POMT2: variants seen among roughly 807,000 people sequenced by gnomAD.
POMT2 encodes the protein protein O-mannosyltransferase 2, also known as protein O-mannosyl-transferase 2.
POMT2 carries 75 observed loss-of-function variants against 100.0 expected under a neutral mutation model. That is an observed-to-expected ratio of 0.75 (90% confidence interval 0.62 to 0.91). The LOEUF is 0.91. Among genes scored for constraint, POMT2 ranks in the 40% least tolerant of loss-of-function variants. POMT2 has a pLI of 0.00. For synonymous variants in POMT2, 378 were observed against 374.1 expected (o/e 1.01, Z -0.12); for missense variants, 940 against 955.1 (o/e 0.98, Z 0.21).
chr14:77,301,200 G>A lies in POMT2; in HGVS notation c.706C>T (p.Leu236Phe), dbSNP rs764392186. 1.1e-5 allele frequency: 18 copies of A among 1,614,244 alleles called. No individual in the cohort carries two copies. Among genetic ancestry groups the A allele is most frequent in the Non-Finnish European group, 1.5e-5 (18 of 1,180,046 alleles). ...WFWLSLTGVS[L>F]AGALGVKFVG... ...AACTTGACCCCTAAAGCACCAGCAA[G>A]ACTAACGCCAGTCAGGCTGAGCCAG... Residue 236 changes from leucine (L) to phenylalanine (F), a missense_variant, in exon 6 of 21, where the codon CTT becomes TTT. Coordinates refer to ENST00000261534, the MANE Select transcript of POMT2 (RefSeq NM_013382.7).
chr14:77,286,880 C>G, intron 11 of POMT2, 58 bp from the exon 12 acceptor site: 1 of 1,612,490 alleles, frequency 6.2e-7, no homozygotes, highest in Non-Finnish European at 8.5e-7. Context: ...TGCAACATTT[C>G]TTCTTTTACC....
At chr14:77,294,023 G>T (rs549905594) in intron 9 of POMT2, among the ~76,000 whole-genome samples, 1 of 152,248 alleles carries the variant, frequency 6.6e-6, no homozygotes, top group African/African-American at 2.4e-5. Flanking sequence ...CATAATGCAT[G>T]GGCCTCATCC....
At chr14:77,298,883 T>C (rs1890923858) in intron 7 of POMT2, 112 bp from the exon 8 acceptor site, 1 of 1,045,346 alleles carries the variant, frequency 9.6e-7, no homozygotes, top group African/African-American at 1.6e-5. Flanking sequence ...TAGAATCAGA[T>C]CATGGGACAG....
In POMT2 at chr14:77,283,800, G is replaced by C; in HGVS notation, c.1650C>G (p.Ile550Met). ...EILLESHMVM[I>M]RGNSGLKPKD... ...GAAATGAGAAGGGGACACATACCCG[G>C]ATCATGACCATGTGGGATTCCAGCA... Residue 550 changes from isoleucine (I) to methionine (M), a missense_variant, in exon 15 of 21, where the codon ATC (isoleucine) becomes ATG (methionine). Coordinates refer to ENST00000261534, the MANE Select transcript of POMT2 (RefSeq NM_013382.7). The C allele has an allele frequency of 6.2e-7, 1 of 1,606,854 alleles. No individual in the cohort carries two copies. The highest frequency in any genetic ancestry group is 8.5e-7 in the Non-Finnish European group (1 of 1,173,366).
At chr14:77,305,584 G>A (rs1289829832) in intron 3 of POMT2, among the ~76,000 whole-genome samples, 3 of 152,192 alleles carry the variant, frequency 2.0e-5, no homozygotes, top group Non-Finnish European at 2.9e-5. Context: ...ATCATCTAAC[G>A]ATGAGGCCAA....
At chr14:77,304,455 A>G (rs1297467309) in intron 4 of POMT2, among the ~76,000 whole-genome samples, 1 of 152,210 alleles carries the variant, frequency 6.6e-6, no homozygotes, top group Non-Finnish European at 1.5e-5. Context: ...AGGTAAATCT[A>G]TTCCTTGGGA....
Position 77,275,781 on chromosome 14 carries a change from A to T in POMT2, c.*1595T>A, listed in dbSNP as rs1889920519. 6.6e-6 allele frequency: 1 copy of T among 152,234 alleles called. No individual in the cohort carries two copies. The highest frequency in any genetic ancestry group is 1.5e-5 in the Non-Finnish European group (1 of 68,034). 9.4% of individuals were successfully genotyped at this position (152,234 alleles called of 1,614,324 possible). A position where few individuals can be genotyped will look rare whatever the true frequency, so the allele number is the denominator to read the frequency against. ...AAAGGGCTGTAGCAGTGGGAAAGGGAGGTCATCGGGCCCCAGATCTAATTA... is the reference window on the plus strand; with the variant it reads ...AAAGGGCTGTAGCAGTGGGAAAGGGTGGTCATCGGGCCCCAGATCTAATTA... On this transcript the variant is annotated 3_prime_UTR_variant, in exon 21 of 21. Coordinates refer to ENST00000261534, the MANE Select transcript of POMT2 (RefSeq NM_013382.7).
intron 18 of POMT2, chr14:77,279,133 T>G: frequency 1.8e-6 from 1 of 545,166 alleles, no homozygotes; most frequent in Non-Finnish European, 3.3e-6. Flanking sequence ...AAAGAAACCC[T>G]TCTGCGCCTG....
chr14:77,294,610 G>A (rs1216343697), intron 9 of POMT2, among the ~76,000 whole-genome samples: 1 of 152,174 alleles, frequency 6.6e-6, no homozygotes, highest in East Asian at 1.9e-4. Flanking sequence ...GAGATCTGAT[G>A]GTTTTTAAAA....
chr14:77,299,748 G>A (rs1161810625), intron 6 of POMT2, 187 bp from the exon 7 acceptor site: 13 of 579,358 alleles, frequency 2.2e-5, no homozygotes, highest in Non-Finnish European at 4.2e-5. Flanking sequence ...CACTACACAA[G>A]ATAAACATGG....
At position 77,320,600 on chromosome 14, in the gene POMT2, C is replaced by T; in HGVS notation, c.82G>A (p.Ala28Thr). The T allele has an allele frequency of 1.9e-6, 3 of 1,586,098 alleles. No homozygotes were observed. In the South Asian group the frequency reaches 3.4e-5, roughly 18 times the overall value. Reference protein sequence around the residue: ...RGRCGPQAARAAGRDVAAEAV... With the variant: ...RGRCGPQAARTAGRDVAAEAV... ...TCAGCGGCCACGTCCCGGCCTGCGG[C>T]CCTAGCAGCCTGGGGGCCACAGCGG... The change falls in exon 1 of 21, where the codon GCC (alanine) becomes ACC (threonine). Residue 28 changes from alanine (A) to threonine (T), a missense_variant. Ala to Thr is a moderately conservative substitution (Grantham distance 58). Transcript: ENST00000261534.
rs1379963762 is a variant in POMT2 at position 77,284,971 on chromosome 14, C to T, written c.1555G>A (p.Glu519Lys). 1 of 1,612,396 alleles carries T rather than the reference C, an allele frequency of 6.2e-7. No individual in the cohort carries two copies. The highest frequency in any genetic ancestry group is 8.5e-7 in the Non-Finnish European group (1 of 1,178,530). The change falls in exon 14 of 21, where the codon GAG becomes AAG. Residue 519 changes from glutamate to lysine, a missense_variant. Coordinates refer to ENST00000261534, the MANE Select transcript of POMT2 (RefSeq NM_013382.7). Reference protein sequence around the residue: ...KETLNSIWNVEDHINPKLPNI... With the variant: ...KETLNSIWNVKDHINPKLPNI... ...TCACACTTGGGATTGATATGGTCCT[C>T]CACATTCCAGATGGAGTTGAGGGTT...
intron 2 of POMT2, chr14:77,308,636 G>A (rs201990954): frequency 7.7e-5 from 27 of 352,336 alleles, no homozygotes; most frequent in Non-Finnish European, 1.3e-4. Flanking sequence ...GATTACAGGC[G>A]TGAGCCACCG....
chr14:77,311,879 C>A, intron 2 of POMT2, 70 bp downstream of exon 2: 2 of 1,566,106 alleles, frequency 1.3e-6, no homozygotes, highest in South Asian at 1.2e-5. Flanking sequence ...AATCCAAAAT[C>A]AAGATGTGGC....
chr14:77,309,583 C>T (rs920903477), intron 2 of POMT2, among the ~76,000 whole-genome samples: 1 of 152,134 alleles, frequency 6.6e-6, no homozygotes, highest in African/African-American at 2.4e-5. Context: ...GCAGATGGGC[C>T]GCATTCCCTG....
chr14:77,286,394 T>C (rs1165067263), intron 12 of POMT2, among the ~76,000 whole-genome samples: 1 of 152,222 alleles, frequency 6.6e-6, no homozygotes, highest in Non-Finnish European at 1.5e-5. Flanking sequence ...TGGCAAAAGA[T>C]AAACATACAT....
At position 77,296,224 on chromosome 14, in the gene POMT2, G is replaced by A. The variant is rs767042535; in HGVS notation, c.1056C>T (p.Ile352=). Residue 352 remains isoleucine, a synonymous_variant, in exon 9 of 21, where the codon ATC becomes ATT. Transcript: ENST00000261534. ...VITVKNLRMA[I]GYLHSHRHLY... ...GGTGCCTGTGGGAGTGCAGATAGCC[G>A]ATGGCCATCCGGAGGTTCTTCACAG... 9 of 1,609,200 alleles carry A rather than the reference G, an allele frequency of 5.6e-6. No homozygotes were observed. The highest frequency in any genetic ancestry group is 2.2e-5 in the South Asian group (2 of 89,630).
chr14:77,296,125 A>G, intron 9 of POMT2, 39 bp downstream of exon 9: 1 of 1,452,108 alleles, frequency 6.9e-7, no homozygotes, highest in Non-Finnish European at 9.5e-7. Flanking sequence ...CATGGCGAAC[A>G]GCATTGCTGC....
chr14:77,320,606 C>G lies in POMT2; in HGVS notation c.76G>C (p.Ala26Pro). 1 of 1,587,936 alleles carries G rather than the reference C, an allele frequency of 6.3e-7. No individual in the cohort carries two copies. Among genetic ancestry groups the G allele is most frequent in the South Asian group, 1.1e-5 (1 of 89,750 alleles). Residue 26 changes from alanine to proline, a missense_variant, in exon 1 of 21, where the codon GCT (alanine) becomes CCT (proline). Physicochemically the swap from Ala to Pro is conservative, Grantham distance 27. Coordinates refer to ENST00000261534, the MANE Select transcript of POMT2 (RefSeq NM_013382.7). ...GCCACGTCCCGGCCTGCGGCCCTAG[C>G]AGCCTGGGGGCCACAGCGGCCCCTC... ...PRRGRCGPQA[A>P]RAAGRDVAAE...
Sources: gnomAD v4.1 joint callset for allele counts (sites outside exome capture counted in the v4.1 genomes callset) on GRCh38, gnomAD v4.1.1 for gene constraint, MANE v1.5 for transcripts, NCBI Gene and HGNC (gene_info 2026-07-23, HGNC 2026-07-21) for gene names.